EGF: variants seen among roughly 807,000 people sequenced by gnomAD.
EGF encodes pro-epidermal growth factor.
In EGF, 95 loss-of-function variants were observed where a neutral mutation model predicts 143.8. The ratio of observed to expected loss-of-function variants is 0.66; its 90% CI spans 0.56 to 0.78. The LOEUF is 0.78. EGF is among the 30% of genes least tolerant of loss of function. The pLI is 0.00. For synonymous variants in EGF, 510 were observed against 510.5 expected (o/e 1.00, Z 0.01); for missense variants, 1,320 against 1,470.9 (o/e 0.90, Z 1.68).
chr4:110,010,710 C>T (rs1753883717), intron 23 of EGF, among the ~76,000 whole-genome samples: 1 of 152,190 alleles, frequency 6.6e-6, no homozygotes, highest in Admixed American at 6.5e-5. Flanking sequence ...TTCAGCCTCT[C>T]AAAGTGCTGG....
rs1742396744 is a variant in EGF at position 109,944,100 on chromosome 4, AATTGT to A, written c.737+32_737+36del. On this transcript the variant is annotated intron_variant, in intron 4 of 23. Transcript: ENST00000265171. ...TTTTACTCTTGGTATAAAATAAAAC[AATTGT>A]CATTTGAAGTCCACAAGATAAATTA... The A allele has an allele frequency of 3.7e-6, 6 of 1,601,066 alleles. No homozygotes were observed. In the African/African-American group the frequency reaches 8.0e-5, roughly 21 times the overall value.
intron 1 of EGF, among the ~76,000 whole-genome samples, chr4:109,938,152 A>G (rs756645747): frequency 2.0e-5 from 3 of 152,176 alleles, no homozygotes; most frequent in Non-Finnish European, 4.4e-5. Context: ...AGGTACACCA[A>G]TCAAATGTAG....
chr4:109,941,226 A>G (rs1483730896), intron 2 of EGF, 81 bp downstream of exon 2: 1 of 1,288,278 alleles, frequency 7.8e-7, no homozygotes, highest in Non-Finnish European at 1.1e-6. Context: ...TAATGTATAG[A>G]TAAATGAAAA....
At chr4:109,950,262 A>G (rs1312534402) in intron 5 of EGF, among the ~76,000 whole-genome samples, 1 of 152,114 alleles carries the variant, frequency 6.6e-6, no homozygotes, top group Admixed American at 6.5e-5. Flanking sequence ...CTCTAGTGTC[A>G]TCAGCCCAAT....
At chr4:109,984,588 T>C (rs1749864829) in intron 16 of EGF, among the ~76,000 whole-genome samples, 1 of 152,092 alleles carries the variant, frequency 6.6e-6, no homozygotes, top group Non-Finnish European at 1.5e-5. Flanking sequence ...CAGGCATCGG[T>C]GTAGGCAGGT....
rs1468900310 is a variant in EGF, at chr4:109,996,627, C to T, written c.3005+1747C>T. On this transcript the variant is annotated intron_variant, in intron 20 of 23. Transcript: ENST00000265171. ...AAACACTTCCTAGGCAGGTGTCATT[C>T]TGTACAGAGTGCTCTTCATGCTGTA... Among the ~76,000 whole-genome samples the T allele has an allele frequency of 5.3e-5, 8 of 152,312 alleles. No homozygotes were observed. In the East Asian group the frequency reaches 1.3e-3, roughly 26 times the overall value.
intron 1 of EGF, among the ~76,000 whole-genome samples, chr4:109,925,623 T>G (rs1256416181): frequency 7.2e-5 from 11 of 152,216 alleles, no homozygotes; most frequent in Non-Finnish European, 1.6e-4. Context: ...CCAATGCCAG[T>G]AATCTTAGCC....
intron 16 of EGF, among the ~76,000 whole-genome samples, chr4:109,987,438 C>T (rs11569042): frequency 0.01 from 1,551 of 152,106 alleles, 21 homozygotes; most frequent in African/African-American, 0.023. Context: ...GGACTATACA[C>T]CAGTTTTCAG....
At chr4:109,916,976 T>C (rs1008141806) in intron 1 of EGF, among the ~76,000 whole-genome samples, 11 of 152,158 alleles carry the variant, frequency 7.2e-5, no homozygotes, top group Admixed American at 5.9e-4. Context: ...ACATGTCAAC[T>C]TGATTTGAGT....
In EGF at chr4:109,924,344, A is replaced by G. The variant is rs1241744209; in HGVS notation, c.127+10882A>G. ...TTAGTTCTTTCTACCAAAAAAAATT[A>G]ATAGTTTTAAGTCGGTTTAGGAAAA... On this transcript the variant is annotated intron_variant, in intron 1 of 23. Transcript: ENST00000265171. 2.0e-5 allele frequency among the ~76,000 whole-genome samples: 3 copies of G among 151,598 alleles called. No individual in the cohort carries two copies. In the East Asian group the frequency reaches 5.8e-4, roughly 29 times the overall value.
At chr4:109,946,931 C>T (rs1579563075) in intron 5 of EGF, among the ~76,000 whole-genome samples, 2 of 152,100 alleles carry the variant, frequency 1.3e-5, no homozygotes, top group East Asian at 3.9e-4. Context: ...CCAGTCTGGC[C>T]AACATGGCAA....
intron 5 of EGF, 45 bp from the exon 6 acceptor site, chr4:109,959,267 T>G: frequency 6.2e-7 from 1 of 1,612,856 alleles, no homozygotes; most frequent in Non-Finnish European, 8.5e-7. Flanking sequence ...CAGTGTCCTC[T>G]GTCAAAACAC....
At chr4:109,964,361 C>T (rs369376754) in intron 9 of EGF, 40 bp from the exon 10 acceptor site, 1,294 of 1,613,340 alleles carry the variant, frequency 8.0e-4, no homozygotes, top group Admixed American at 2.4e-3. Context: ...GTTTCTAAGG[C>T]ACGTTTTAAA....
chr4:109,941,814 A>T (rs1369330860), intron 2 of EGF, among the ~76,000 whole-genome samples: 1 of 152,232 alleles, frequency 6.6e-6, no homozygotes, highest in Non-Finnish European at 1.5e-5. Flanking sequence ...CAGATGACAG[A>T]TAAGTACTTT....
chr4:110,001,727 A>G (rs1381793196), intron 21 of EGF: 1 of 985,346 alleles, frequency 1.0e-6, no homozygotes, highest in Non-Finnish European at 1.2e-6. Flanking sequence ...AGATGACTAT[A>G]GACTTTACAT....
chr4:109,928,199 C>G (rs1739067520), intron 1 of EGF, among the ~76,000 whole-genome samples: 1 of 152,092 alleles, frequency 6.6e-6, no homozygotes, highest in South Asian at 2.1e-4. Context: ...AAAGGCCAGT[C>G]TTTTTCAACA....
In EGF at chr4:109,970,824, C is replaced by CAAAAAAAAAAAAAA. The variant is rs371512157; in HGVS notation, c.1724+1714_1724+1727dup. Among the ~76,000 whole-genome samples the CAAAAAAAAAAAAAA allele has an allele frequency of 1.2e-3, 91 of 72,958 alleles. 5 individuals carry two copies. The highest frequency in any genetic ancestry group is 5.0e-3 in the African/African-American group (91 of 18,196). The allele number at this position is 72,958 out of a possible 152,430, so 47.9% of individuals were successfully genotyped here. A position where few individuals can be genotyped will look rare whatever the true frequency, so the allele number is the denominator to read the frequency against. On this transcript the variant is annotated intron_variant, in intron 11 of 23. Transcript: ENST00000265171. ...TGGGTGGCAGAGCGAGACTCCGTCT[C>CAAAAAAAAAAAAAA]AAAAAAAAAAAAAAAAAAAAAATCT... is the stretch of plus-strand genomic sequence containing the variant.
rs1216737952 is a variant in EGF at position 109,964,476 on chromosome 4, C to T, written c.1514C>T (p.Thr505Ile). ...HMHFDGTDYG[T>I]LLSQQMGMVY... is the part of the protein sequence containing the mutation. Reference sequence around the variant, plus strand: ...CATTTTGATGGAACAGACTATGGAACTCTGCTCAGCCAGCAGATGGGAATG... The same window carrying T: ...CATTTTGATGGAACAGACTATGGAATTCTGCTCAGCCAGCAGATGGGAATG... The change falls in exon 10 of 24, where the codon ACT becomes ATT. Residue 505 changes from threonine (T) to isoleucine (I), a missense_variant. Around this residue, in one of 5 missense-constraint regions of EGF, gnomAD observed 1,186 missense variants for 1,313.7 expected, o/e 0.90. Transcript: ENST00000265171. 1 of 1,613,858 alleles carries T rather than the reference C, an allele frequency of 6.2e-7. No individual in the cohort carries two copies. The highest frequency in any genetic ancestry group is 8.5e-7 in the Non-Finnish European group (1 of 1,179,884).
At chr4:109,941,263 G>A (rs1741881177) in intron 2 of EGF, 118 bp downstream of exon 2, 1 of 884,656 alleles carries the variant, frequency 1.1e-6, no homozygotes, top group Non-Finnish European at 1.8e-6. Context: ...ATGCGTGTCT[G>A]CCAAATATAG....
Sources: gnomAD v4.1 joint callset for allele counts (sites outside exome capture counted in the v4.1 genomes callset) on GRCh38, gnomAD v4.1.1 for gene constraint, gnomAD v4.1.1 regional missense constraint, MANE v1.5 for transcripts, NCBI Gene and HGNC (gene_info 2026-07-23, HGNC 2026-07-21) for gene names.